PRKCB: variants seen among roughly 807,000 people sequenced by gnomAD.
The protein encoded by PRKCB is protein kinase C beta type.
In PRKCB, 13 loss-of-function variants were observed where a neutral mutation model predicts 81.5. The observed-to-expected ratio is 0.16, with a 90% CI of 0.10 to 0.25. The LOEUF (loss-of-function observed/expected upper bound fraction) is 0.25, where lower values mean the gene tolerates loss of function less well. PRKCB is among the 10% of genes least tolerant of loss of function. The pLI is 1.00. For missense variants in PRKCB, 509 were observed against 875.7 expected, an observed-to-expected ratio of 0.58 and a Z score of 5.29; for synonymous variants, 335 against 321.4, an observed-to-expected ratio of 1.04 and a Z score of -0.45.
intron 3 of PRKCB, among the ~76,000 whole-genome samples, chr16:24,021,296 T>TCCC (rs1965391551): frequency 1.4e-3 from 12 of 8,518 alleles, no homozygotes; most frequent in South Asian, 0.012. Context: ...TCTCCCTCCC[T>TCCC]TCCTTCCTTC....
chr16:24,093,443 G>A (rs192882816), intron 6 of PRKCB, among the ~76,000 whole-genome samples: 1 of 152,188 alleles, frequency 6.6e-6, no homozygotes, highest in East Asian at 1.9e-4. Context: ...GGCATCAGGA[G>A]TTGGTTATAA....
At chr16:24,021,002 TTC>T (rs1295762249) in intron 3 of PRKCB, among the ~76,000 whole-genome samples, 1 of 139,858 alleles carries the variant, frequency 7.2e-6, no homozygotes, top group African/African-American at 2.8e-5. Flanking sequence ...CTTTCTTTCT[TTC>T]TTTCTTTCTT....
chr16:24,063,052 A>G, intron 5 of PRKCB, among the ~76,000 whole-genome samples: 1 of 152,066 alleles, frequency 6.6e-6, no homozygotes, highest in Non-Finnish European at 1.5e-5. Flanking sequence ...TGTGTCCAGC[A>G]GTATCAGAAG....
At chr16:24,072,959 GT>G (rs1265743784) in intron 5 of PRKCB, among the ~76,000 whole-genome samples, 1 of 152,224 alleles carries the variant, frequency 6.6e-6, no homozygotes, top group African/African-American at 2.4e-5. Flanking sequence ...TAAAGAGGAA[GT>G]ATTTATGCAG....
chr16:23,846,794 GTGT>G (rs898864990), intron 2 of PRKCB, among the ~76,000 whole-genome samples: 4 of 151,998 alleles, frequency 2.6e-5, no homozygotes, highest in African/African-American at 4.8e-5. Context: ...GAAATTTTTG[GTGT>G]TGTAAGGATG....
intron 2 of PRKCB, among the ~76,000 whole-genome samples, chr16:23,919,922 C>G (rs548002054): frequency 3.9e-5 from 6 of 152,258 alleles, no homozygotes; most frequent in African/African-American, 1.2e-4. Flanking sequence ...TTGGATTGCT[C>G]TCATCTTTTG....
rs1421596223 is a variant in PRKCB, at chr16:24,216,965, T to G, written c.*2149T>G. 1.0e-6 allele frequency: 1 copy of G among 985,256 alleles called. No homozygotes were observed. The highest frequency in any genetic ancestry group is 1.7e-5 in the African/African-American group (1 of 57,214). 61.0% of individuals were successfully genotyped at this position (985,256 alleles called of 1,614,324 possible). A position where few individuals can be genotyped will look rare whatever the true frequency, so the allele number is the denominator to read the frequency against. On this transcript the variant is annotated 3_prime_UTR_variant, in exon 17 of 17. Transcript: ENST00000643927. ...CCACCAACAGGCCCTTATCTGGTGG[T>G]TGGATCATGATCCCATTTTGCTTGG...
chr16:24,201,030 T>C (rs1455841574), intron 16 of PRKCB, among the ~76,000 whole-genome samples: 1 of 152,120 alleles, frequency 6.6e-6, no homozygotes, highest in Non-Finnish European at 1.5e-5. Context: ...TTGGTAGCCG[T>C]CAGCTTCTTA....
intron 2 of PRKCB, among the ~76,000 whole-genome samples, chr16:23,857,165 A>G (rs894073748): frequency 9.2e-5 from 14 of 152,202 alleles, no homozygotes; most frequent in African/African-American, 3.1e-4. Flanking sequence ...TAAGTATGGT[A>G]TAAGAGGTTT....
intron 5 of PRKCB, among the ~76,000 whole-genome samples, chr16:24,081,125 TCA>T (rs1396280783): frequency 2.0e-5 from 3 of 152,186 alleles, no homozygotes; most frequent in African/African-American, 7.2e-5. Context: ...GTTTTTAGTG[TCA>T]TGTGTAAGAA....
chr16:23,911,128 C>CTTTTTTTTTTGTTTTTTTTTTTTTT (rs1963645896), intron 2 of PRKCB, among the ~76,000 whole-genome samples: 1 of 31,558 alleles, frequency 3.2e-5, no homozygotes, highest in Non-Finnish European at 5.4e-5. Flanking sequence ...CGTATATATG[C>CTTTTTTTTTTGTTTTTTTTTTTTTT]TTTTTTTTTT....
At chr16:24,193,476 T>TAAATAAAC (rs1555501796) in intron 16 of PRKCB, among the ~76,000 whole-genome samples, 1 of 139,806 alleles carries the variant, frequency 7.2e-6, no homozygotes, top group African/African-American at 2.7e-5. Context: ...AATAAATAAA[T>TAAATAAAC]AAATAAATAA....
intron 3 of PRKCB, among the ~76,000 whole-genome samples, chr16:24,018,711 G>T (rs1472090975): frequency 6.6e-6 from 1 of 152,228 alleles, no homozygotes; most frequent in Non-Finnish European, 1.5e-5. Context: ...AGAGGGCAGG[G>T]TATATCAGGC....
intron 2 of PRKCB, among the ~76,000 whole-genome samples, chr16:23,949,232 CGAACGAATGGACAAAAGAAA>C: frequency 6.6e-6 from 1 of 152,246 alleles, no homozygotes; most frequent in East Asian, 1.9e-4. Flanking sequence ...AAAGAAAGAA[CGAACGAATGGACAAAAGAAA>C]GAACGAATGA....
intron 2 of PRKCB, among the ~76,000 whole-genome samples, chr16:23,891,954 C>T (rs1038186234): frequency 2.6e-5 from 4 of 152,114 alleles, no homozygotes; most frequent in Admixed American, 2.0e-4. Flanking sequence ...GTTAGAATCC[C>T]TTCTAGTGTA....
At chr16:24,124,082 A>G (rs1966833395) in intron 9 of PRKCB, 101 bp downstream of exon 9, 1 of 1,348,312 alleles carries the variant, frequency 7.4e-7, no homozygotes, top group South Asian at 1.3e-5. Context: ...TGGGAGAGAG[A>G]GTAAGAAGTA....
At chr16:23,929,580 T>A (rs1963943300) in intron 2 of PRKCB, among the ~76,000 whole-genome samples, 1 of 152,156 alleles carries the variant, frequency 6.6e-6, no homozygotes, top group Admixed American at 6.5e-5. Flanking sequence ...AACACACTAA[T>A]ACTTTCTACG....
intron 2 of PRKCB, among the ~76,000 whole-genome samples, chr16:23,853,229 C>G (rs1297973880): frequency 6.6e-6 from 1 of 152,208 alleles, no homozygotes; most frequent in Non-Finnish European, 1.5e-5. Context: ...ACAGACAAAC[C>G]TTGAAGTCTC....
chr16:24,186,380 A>AAG (rs1967704802), intron 15 of PRKCB, among the ~76,000 whole-genome samples: 2 of 152,372 alleles, frequency 1.3e-5, no homozygotes, highest in South Asian at 4.1e-4. Context: ...TTTGGCTTGC[A>AAG]GACCACTGCC....
Sources: allele counts gnomAD v4.1 joint callset (sites outside exome capture counted in the v4.1 genomes callset), GRCh38; gene constraint gnomAD v4.1.1; transcripts MANE v1.5; gene names NCBI Gene and HGNC (gene_info 2026-07-23, HGNC 2026-07-21).